Variants in CTNNA3 observed in about 807,000 individuals in gnomAD.
The protein encoded by CTNNA3 is catenin alpha 3, also known as catenin alpha-3.
A neutral mutation model predicts 95.7 loss-of-function variants in CTNNA3; 76 were observed. The ratio of observed to expected loss-of-function variants is 0.79; its 90% CI spans 0.66 to 0.96. CTNNA3 has a LOEUF of 0.96. CTNNA3 is among the 40% of genes least tolerant of loss of function. The probability of loss-of-function intolerance (pLI) is 0.00; values close to 1 mark genes in which losing one functional copy is unlikely to be tolerated. For synonymous variants in CTNNA3, 431 were observed against 374.4 expected, an observed-to-expected ratio of 1.15 and a Z score of -1.74; for missense variants, 1,191 against 1,089.8, an observed-to-expected ratio of 1.09 and a Z score of -1.31.
intron 3 of CTNNA3, 76 bp from the exon 4 acceptor site, chr10:67,539,745 A>C: frequency 3.8e-6 from 5 of 1,319,260 alleles, no homozygotes; most frequent in Non-Finnish European, 4.2e-6. Flanking sequence ...AGCTAACCTA[A>C]TTCCAAGTAA....
intron 9 of CTNNA3, among the ~76,000 whole-genome samples, chr10:66,754,865 G>A (rs542127177): frequency 9.2e-5 from 14 of 152,092 alleles, no homozygotes; most frequent in Non-Finnish European, 2.1e-4. Context: ...ATGTAAAATG[G>A]TAGAGCCTGG....
At chr10:67,566,791 A>T (rs1841819754) in intron 3 of CTNNA3, among the ~76,000 whole-genome samples, 1 of 152,088 alleles carries the variant, frequency 6.6e-6, no homozygotes, top group African/African-American at 2.4e-5. Flanking sequence ...ACAATGATAG[A>T]CTGGATTAAG....
At chr10:66,170,525 A>G (rs1018589249) in intron 13 of CTNNA3, among the ~76,000 whole-genome samples, 1 of 152,012 alleles carries the variant, frequency 6.6e-6, no homozygotes, top group Non-Finnish European at 1.5e-5. Context: ...TGGAGATACA[A>G]TGCAGATCCA....
At chr10:66,185,155 A>G (rs2086263139) in intron 13 of CTNNA3, among the ~76,000 whole-genome samples, 2 of 152,222 alleles carry the variant, frequency 1.3e-5, no homozygotes, top group Non-Finnish European at 2.9e-5. Flanking sequence ...ACTAAGTTAG[A>G]AACAATGTAC....
chr10:66,394,044 G>T (rs1305764246), intron 11 of CTNNA3, among the ~76,000 whole-genome samples: 1 of 151,974 alleles, frequency 6.6e-6, no homozygotes, highest in East Asian at 1.9e-4. Flanking sequence ...TATAGAAATG[G>T]TACAAAAGAT....
At chr10:66,178,122 A>G (rs1294626345) in intron 13 of CTNNA3, among the ~76,000 whole-genome samples, 2 of 151,484 alleles carry the variant, frequency 1.3e-5, no homozygotes, top group African/African-American at 2.4e-5. Flanking sequence ...TCCTTTTTTC[A>G]ACTTTTCCAG....
intron 7 of CTNNA3, among the ~76,000 whole-genome samples, chr10:67,122,968 G>C (rs751330075): frequency 2.0e-5 from 3 of 151,910 alleles, no homozygotes; most frequent in African/African-American, 4.8e-5. Context: ...TACTCTAAAG[G>C]AAAGGAAAAA....
intron 11 of CTNNA3, among the ~76,000 whole-genome samples, chr10:66,520,245 C>CT (rs543882241): frequency 0.24 from 18,336 of 78,012 alleles, 3,269 homozygotes; most frequent in Admixed American, 0.32. Context: ...TAGTATTATT[C>CT]TTTTTTTTTT....
chr10:66,793,709 G>A (rs1564687645), intron 7 of CTNNA3, among the ~76,000 whole-genome samples: 1 of 152,004 alleles, frequency 6.6e-6, no homozygotes, highest in African/African-American at 2.4e-5. Context: ...TATTTGAAAT[G>A]TTTATAAGTA....
At chr10:67,562,484 T>C (rs185290903) in intron 3 of CTNNA3, among the ~76,000 whole-genome samples, 2,525 of 152,284 alleles carry the variant, frequency 0.017, 81 homozygotes, top group African/African-American at 0.055. Context: ...TGATGGGACA[T>C]ATCTCAAAAT....
chr10:66,359,365 T>C (rs1460281634), intron 12 of CTNNA3, among the ~76,000 whole-genome samples: 3 of 152,170 alleles, frequency 2.0e-5, no homozygotes, highest in South Asian at 2.1e-4. Context: ...GTTCAGAATA[T>C]GAATTATGAC....
chr10:66,728,836 C>T (rs1848861657), intron 9 of CTNNA3, among the ~76,000 whole-genome samples: 1 of 152,144 alleles, frequency 6.6e-6, no homozygotes, highest in Non-Finnish European at 1.5e-5. Context: ...GATCTGCCCA[C>T]CTGGGCCTCC....
chr10:67,113,955 C>T (rs919622399), intron 7 of CTNNA3, among the ~76,000 whole-genome samples: 1 of 151,934 alleles, frequency 6.6e-6, no homozygotes, highest in Admixed American at 6.6e-5. Flanking sequence ...TGGTGGTGCA[C>T]ACCTGTAGTC....
At chr10:66,885,750 A>G (rs1446805314) in intron 7 of CTNNA3, among the ~76,000 whole-genome samples, 1 of 151,982 alleles carries the variant, frequency 6.6e-6, no homozygotes, top group African/African-American at 2.4e-5. Flanking sequence ...AATAAAATAA[A>G]CTCCTGCTGA....
chr10:66,647,055 T>G (rs1374669638), intron 9 of CTNNA3, among the ~76,000 whole-genome samples: 1 of 151,390 alleles, frequency 6.6e-6, no homozygotes, highest in Non-Finnish European at 1.5e-5. Context: ...CACCTCAGAC[T>G]CCATGAGAAG....
chr10:67,587,286 C>G (rs1842664064), intron 3 of CTNNA3, among the ~76,000 whole-genome samples: 1 of 149,762 alleles, frequency 6.7e-6, no homozygotes, highest in African/African-American at 2.4e-5. Context: ...TCTTGAAATC[C>G]TGGACTCAAG....
chr10:66,445,769 A>G (rs1316019359), intron 11 of CTNNA3, among the ~76,000 whole-genome samples: 8 of 147,936 alleles, frequency 5.4e-5, no homozygotes, highest in Non-Finnish European at 1.0e-4. Flanking sequence ...AAGAACTAGA[A>G]AAGCAAGAGC....
intron 7 of CTNNA3, among the ~76,000 whole-genome samples, chr10:66,891,751 G>A (rs1845277512): frequency 6.6e-6 from 1 of 152,196 alleles, no homozygotes; most frequent in Non-Finnish European, 1.5e-5. Flanking sequence ...TTTTACAAAT[G>A]TAGAGTGTGA....
chr10:67,087,949 T>C (rs1197822474), intron 7 of CTNNA3, among the ~76,000 whole-genome samples: 2 of 152,180 alleles, frequency 1.3e-5, no homozygotes, highest in African/African-American at 4.8e-5. Context: ...TAGTCATAGA[T>C]TCTTGTGCTC....
Sources: allele counts gnomAD v4.1 joint callset (sites outside exome capture counted in the v4.1 genomes callset), GRCh38; gene constraint gnomAD v4.1.1; transcripts MANE v1.5; gene names NCBI Gene and HGNC (gene_info 2026-07-23, HGNC 2026-07-21).